The following MYH7 variants were observed in gnomAD, a reference collection of about 807,000 sequenced individuals.
MYH7 encodes the protein myosin-7.
A neutral mutation model predicts 225.4 loss-of-function variants in MYH7; 129 were observed. The ratio of observed to expected loss-of-function variants is 0.57; its 90% CI spans 0.50 to 0.66. MYH7 has a LOEUF of 0.66. Ranked by LOEUF, MYH7 falls within the 30% of genes least tolerant of loss-of-function variation. MYH7 has a pLI of 0.00. For missense variants in MYH7, 1,649 were observed against 2,517.0 expected, an observed-to-expected ratio of 0.66 and a Z score of 7.38; for synonymous variants, 971 against 1,007.6, an observed-to-expected ratio of 0.96 and a Z score of 0.69.
chr14:23,414,556 GA>G (rs1006548593), intron 37 of MYH7, among the ~76,000 whole-genome samples: 1 of 152,200 alleles, frequency 6.6e-6, no homozygotes, highest in Non-Finnish European at 1.5e-5. Context: ...GATTGGAAAA[GA>G]AACAAATTCT....
chr14:23,429,707 A>G (rs1892848929), intron 12 of MYH7, 68 bp downstream of exon 12: 2 of 1,574,956 alleles, frequency 1.3e-6, no homozygotes, highest in South Asian at 1.1e-5. Context: ...AAGAGAAGAG[A>G]GATGACTGCT....
chr14:23,427,974 C>T, intron 15 of MYH7, 80 bp from the exon 16 acceptor site: 4 of 1,565,274 alleles, frequency 2.6e-6, no homozygotes, highest in Non-Finnish European at 3.5e-6. Flanking sequence ...AATATACTTG[C>T]TCGTGGAGGT....
chr14:23,428,715 A>T lies in MYH7; in HGVS notation c.1408-45T>A, dbSNP rs368613193. The T allele has an allele frequency of 1.9e-6, 3 of 1,613,290 alleles. No individual in the cohort carries two copies. In the African/African-American group the frequency reaches 4.0e-5, roughly 22 times the overall value. ...TGGGAGCAGTCAGAAAGTGGGTGTG[A>T]GTGGCCATTGGGGCTGTGCCCGTCC... On this transcript the variant is annotated intron_variant, in intron 14 of 39. Coordinates refer to ENST00000355349, the MANE Select transcript of MYH7 (RefSeq NM_000257.4).
rs974023490 is a variant in MYH7 at position 23,422,850 on chromosome 14, C to T, written c.3100-525G>A. ...TTCACCATATTGGCCAGGATGGTCT[C>T]GATCTCTTGACCTCGTGATCCACCC... On this transcript the variant is annotated intron_variant, in intron 24 of 39. Transcript: ENST00000355349. Among the ~76,000 whole-genome samples, 5 of 152,216 alleles carry T rather than the reference C, an allele frequency of 3.3e-5. No individual in the cohort carries two copies. In the East Asian group the frequency reaches 5.8e-4, roughly 18 times the overall value.
intron 11 of MYH7, among the ~76,000 whole-genome samples, chr14:23,430,257 T>A (rs1390676155): frequency 1.3e-5 from 2 of 152,162 alleles, no homozygotes; most frequent in Non-Finnish European, 2.9e-5. Flanking sequence ...TCCAGCCCCA[T>A]GCCGTCTGCA....
chr14:23,417,096 C>G lies in MYH7; in HGVS notation c.4519+57G>C, dbSNP rs890361293. 3.0e-5 allele frequency: 49 copies of G among 1,613,970 alleles called. No individual in the cohort carries two copies. The African/African-American group carries it at 5.9e-4, about 19-fold the overall frequency. On this transcript the variant is annotated intron_variant, in intron 32 of 39. Transcript: ENST00000355349. ...CGCCTCTTGGAGCCCTTGGGTGGCACCATATGGGAACACTGCCAGTGCAGC... is the reference window on the plus strand; with the variant it reads ...CGCCTCTTGGAGCCCTTGGGTGGCAGCATATGGGAACACTGCCAGTGCAGC...
chr14:23,421,193 A>G, intron 25 of MYH7, 145 bp from the exon 26 acceptor site: 1 of 695,374 alleles, frequency 1.4e-6, no homozygotes, highest in East Asian at 2.7e-5. Context: ...GATCCCTGGA[A>G]GTGTAACACC....
At position 23,425,569 on chromosome 14, in the gene MYH7, A is replaced by G; in HGVS notation, c.2286+126T>C. The G allele has an allele frequency of 6.3e-7, 1 of 1,577,252 alleles. No individual in the cohort carries two copies. Among genetic ancestry groups the G allele is most frequent in the Non-Finnish European group, 8.7e-7 (1 of 1,154,714 alleles). ...GCTGGGATGAGGGGAGTGGTGCTAG[A>G]TGTTCCACTGGGAGGGGTAGCATAC... On this transcript the variant is annotated intron_variant, in intron 20 of 39. Transcript: ENST00000355349. The surrounding 1 kb of genome is among the most constrained non-coding windows in gnomAD (Gnocchi z 4.6).
Position 23,419,308 on chromosome 14 carries a change from C to T in MYH7, c.3854-13G>A. On this transcript the variant is annotated splice_polypyrimidine_tract_variant and intron_variant, in intron 28 of 39. Transcript: ENST00000355349. ...CGGGACAGCTCACCTGGGGAAGCACCATTCTAGATCAGCACTCCTCTCTAT... is the reference window on the plus strand; with the variant it reads ...CGGGACAGCTCACCTGGGGAAGCACTATTCTAGATCAGCACTCCTCTCTAT... The T allele has an allele frequency of 6.2e-7, 1 of 1,614,072 alleles. No individual in the cohort carries two copies. Among genetic ancestry groups the T allele is most frequent in the South Asian group, 1.1e-5 (1 of 91,074 alleles).
chr14:23,415,014 A>T lies in MYH7; in HGVS notation c.5540T>A (p.Ile1847Asn). The T allele has an allele frequency of 6.2e-7, 1 of 1,608,998 alleles. No homozygotes were observed. The highest frequency in any genetic ancestry group is 8.5e-7 in the Non-Finnish European group (1 of 1,179,974). The change falls in exon 37 of 40, where the codon ATC becomes AAC. Residue 1847 changes from isoleucine to asparagine, a missense_variant. By Grantham distance (149) the Ile-to-Asn change is moderately radical. This residue lies in a region of MYH7 where 687 missense variants were observed against 913.8 expected (regional missense o/e 0.75). Transcript: ENST00000355349. The surrounding 1 kb of genome is among the most constrained non-coding windows in gnomAD (Gnocchi z 6.3). ...TCGCACCTGGTAGGTGAGCTCCTTG[A>T]TGCGCCGCTCGCTCTTCCTCATGCC... ...VKGMRKSERR[I>N]KELTYQTEED...
Position 23,416,033 on chromosome 14 carries a change from G to C in MYH7, c.4924C>G (p.Gln1642Glu). ...ANRMAAEAQK[Q>E]VKSLQSLLKD... ...AACAAGCTCTGGAGGCTCTTGACTT[G>C]CTTCTGGGCCTCGGCGGCCATGCGG... Residue 1642 changes from glutamine to glutamate, a missense_variant, in exon 34 of 40, where the codon CAA becomes GAA. Gln to Glu is a conservative substitution (Grantham distance 29). Coordinates refer to ENST00000355349, the MANE Select transcript of MYH7 (RefSeq NM_000257.4). 6.2e-7 allele frequency: 1 copy of C among 1,614,210 alleles called. No individual in the cohort carries two copies. The highest frequency in any genetic ancestry group is 8.5e-7 in the Non-Finnish European group (1 of 1,180,046).
rs112886469 is a variant in MYH7, at chr14:23,430,665, T to C, written c.896-2A>G. On this transcript the variant is annotated splice_acceptor_variant, in intron 10 of 39. Transcript: ENST00000355349. LOFTEE classifies it high-confidence loss of function. Reference sequence around the variant, plus strand: ...GGTTGTTGGTGATCAGCAGCATGTCTAGGGGAAAAAACATGGTTAGGGTGG... The same window carrying C: ...GGTTGTTGGTGATCAGCAGCATGTCCAGGGGAAAAAACATGGTTAGGGTGG... 1 of 1,612,758 alleles carries C rather than the reference T, an allele frequency of 6.2e-7. No homozygotes were observed. Among genetic ancestry groups the C allele is most frequent in the Non-Finnish European group, 8.5e-7 (1 of 1,178,764 alleles).
At chr14:23,426,963 A>C in intron 17 of MYH7, 99 bp from the exon 18 acceptor site, 4 of 1,125,336 alleles carry the variant, frequency 3.6e-6, no homozygotes, top group Non-Finnish European at 5.3e-6. Context: ...GATGGAGAGA[A>C]TTCGAGAAGT....
intron 33 of MYH7, 21 bp downstream of exon 33, chr14:23,416,846 CG>C: frequency 6.2e-7 from 1 of 1,613,984 alleles, no homozygotes; most frequent in Non-Finnish European, 8.5e-7. Context: ...CCCTGCACCC[CG>C]TGCCCTGCAC....
chr14:23,417,150 C>CACCCTGCAGGTT lies in MYH7; in HGVS notation c.4510_4519+2dup. The CACCCTGCAGGTT allele has an allele frequency of 6.2e-7, 1 of 1,614,150 alleles. No individual in the cohort carries two copies. The highest frequency in any genetic ancestry group is 2.2e-5 in the East Asian group (1 of 44,866). ...TCCCCAGCCTCTTGGGCCCCCAGCACACCCTGCAGGTTTTTGTTCTCCCGC... is the reference window on the plus strand; with the variant it reads ...TCCCCAGCCTCTTGGGCCCCCAGCACACCCTGCAGGTTACCCTGCAGGTTTTTGTTCTCCCGC... On this transcript the variant is annotated splice_region_variant and intron_variant, in intron 32 of 39. Coordinates refer to ENST00000355349, the MANE Select transcript of MYH7 (RefSeq NM_000257.4).
chr14:23,429,683 A>G lies in MYH7; in HGVS notation c.1138+92T>C. On this transcript the variant is annotated intron_variant, in intron 12 of 39. Coordinates refer to ENST00000355349, the MANE Select transcript of MYH7 (RefSeq NM_000257.4). ...AGAGCAAGACTCCATCTCAAAAAAAAAAAAAAAAGAAAAAAGAGAAGAGAG... is the reference window on the plus strand; with the variant it reads ...AGAGCAAGACTCCATCTCAAAAAAAGAAAAAAAAGAAAAAAGAGAAGAGAG... The G allele has an allele frequency of 1.9e-6, 3 of 1,548,810 alleles. No homozygotes were observed. In the South Asian group the frequency reaches 3.6e-5, roughly 19 times the overall value.
chr14:23,418,964 C>A lies in MYH7; in HGVS notation c.3972+213G>T, dbSNP rs553746089. On this transcript the variant is annotated intron_variant, in intron 29 of 39. Transcript: ENST00000355349. ...TTCATTTTCTCTCCTCCTTCTCACACCCTGCCTCCCGTCCAGGGATGCAGC... is the reference window on the plus strand; with the variant it reads ...TTCATTTTCTCTCCTCCTTCTCACAACCTGCCTCCCGTCCAGGGATGCAGC... 4.6e-5 allele frequency among the ~76,000 whole-genome samples: 7 copies of A among 152,310 alleles called. No individual in the cohort carries two copies. In the South Asian group the frequency reaches 8.3e-4, roughly 18 times the overall value.
At chr14:23,419,805 G>C (rs2138653218) in intron 27 of MYH7, 40 bp downstream of exon 27, 1 of 1,614,056 alleles carries the variant, frequency 6.2e-7, no homozygotes, top group Non-Finnish European at 8.5e-7. Context: ...GGGGAGGTGG[G>C]AGGAGGAAGT....
chr14:23,432,395 G>A (rs1892984384), intron 6 of MYH7, 84 bp downstream of exon 6: 4 of 1,554,264 alleles, frequency 2.6e-6, no homozygotes, highest in Middle Eastern at 3.4e-4. Flanking sequence ...CTGAGTCTAT[G>A]CCTCGGGGCC....
Sources: gnomAD v4.1 joint callset for allele counts (sites outside exome capture counted in the v4.1 genomes callset) on GRCh38, gnomAD v4.1.1 for gene constraint, gnomAD v4.1.1 regional missense constraint, Gnocchi (gnomAD v3.1) non-coding constraint, MANE v1.5 for transcripts, NCBI Gene and HGNC (gene_info 2026-07-23, HGNC 2026-07-21) for gene names.